LRRD1: variants seen among roughly 807,000 people sequenced by gnomAD.
LRRD1 encodes the protein leucine rich repeats and death domain containing 1.
In LRRD1, 49 loss-of-function variants were observed where a neutral mutation model predicts 69.5. The observed-to-expected ratio is 0.70, with a 90% CI of 0.56 to 0.89. LRRD1 has a LOEUF of 0.89. LRRD1 is among the 40% of genes least tolerant of loss of function. LRRD1 has a pLI of 0.00. For synonymous variants in LRRD1, 303 were observed against 338.9 expected, an observed-to-expected ratio of 0.89 and a Z score of 1.16; for missense variants, 853 against 956.0, an observed-to-expected ratio of 0.89 and a Z score of 1.42.
Position 92,164,566 on chromosome 7 carries a change from A to T in LRRD1, c.637T>A (p.Leu213Ile), listed in dbSNP as rs1014066885. ...TTATGACTGACATTTAATATCCTTAAATTATGAAGTAACTGAATTTCAGAT... is the reference window on the plus strand; with the variant it reads ...TTATGACTGACATTTAATATCCTTATATTATGAAGTAACTGAATTTCAGAT... Reference protein sequence around the residue: ...LPSEIQLLHNLRILNVSHNHI... With the variant: ...LPSEIQLLHNIRILNVSHNHI... The change falls in exon 2 of 6, where the codon TTA becomes ATA. Residue 213 changes from leucine (L) to isoleucine (I), a missense_variant. Coordinates refer to ENST00000458448, the MANE Select transcript of LRRD1 (RefSeq NM_001161528.2). The T allele has an allele frequency of 6.4e-7, 1 of 1,550,912 alleles. No homozygotes were observed. Among genetic ancestry groups the T allele is most frequent in the Admixed American group, 2.0e-5 (1 of 50,968 alleles).
rs1789008273 is a variant in LRRD1, at chr7:92,169,757, AAGAC to A, written c.-74-4485_-74-4482del. Among the ~76,000 whole-genome samples the A allele has an allele frequency of 2.6e-5, 4 of 152,048 alleles. No individual in the cohort carries two copies. In the South Asian group the frequency reaches 8.3e-4, roughly 32 times the overall value. ...GCAGAGGAAAGAATAAGTGAGCTCA[AAGAC>A]AGGCCATTTGAAAATACTCAAAGAA... On this transcript the variant is annotated intron_variant, in intron 1 of 5. Transcript: ENST00000458448.
chr7:92,150,003 C>T (rs1820425820), intron 4 of LRRD1: 1 of 415,750 alleles, frequency 2.4e-6, no homozygotes, highest in African/African-American at 2.0e-5. Flanking sequence ...CCCTCCTCCA[C>T]TTGGATTTGC....
chr7:92,167,887 A>AAAT (rs1788950597), intron 1 of LRRD1, among the ~76,000 whole-genome samples: 1 of 143,144 alleles, frequency 7.0e-6, no homozygotes, highest in African/African-American at 2.7e-5. Flanking sequence ...AAAAAAAAAA[A>AAAT]AAAAAAAAAA....
intron 2 of LRRD1, among the ~76,000 whole-genome samples, chr7:92,161,297 T>G (rs1788790584): frequency 6.6e-6 from 1 of 152,276 alleles, no homozygotes; most frequent in Non-Finnish European, 1.5e-5. Flanking sequence ...AGTGATATTT[T>G]CAACTACATG....
intron 3 of LRRD1, among the ~76,000 whole-genome samples, chr7:92,154,395 A>G (rs1274111523): frequency 6.6e-6 from 1 of 151,896 alleles, no homozygotes; most frequent in Non-Finnish European, 1.5e-5. Context: ...GTGCACCACC[A>G]TGCCCAGCTC....
chr7:92,173,041 C>T lies in LRRD1; in HGVS notation c.-75+5966G>A, dbSNP rs201035881. Among the ~76,000 whole-genome samples, 24 of 152,246 alleles carry T rather than the reference C, an allele frequency of 1.6e-4. No individual in the cohort carries two copies. The East Asian group carries it at 2.9e-3, about 18-fold the overall frequency. On this transcript the variant is annotated intron_variant, in intron 1 of 5. Transcript: ENST00000458448. ...AATACAAAACCCAGATATAAATCCA[C>T]TCATTTACAGCCATCTCATTTTTGA...
intron 3 of LRRD1, among the ~76,000 whole-genome samples, chr7:92,151,758 G>T (rs908133501): frequency 5.3e-5 from 8 of 152,044 alleles, no homozygotes; most frequent in African/African-American, 1.9e-4. Flanking sequence ...AGACCAGCCT[G>T]GCCAACATGG....
At chr7:92,152,834 T>C (rs1584652647) in intron 3 of LRRD1, among the ~76,000 whole-genome samples, 2 of 152,034 alleles carry the variant, frequency 1.3e-5, no homozygotes, top group South Asian at 4.2e-4. Context: ...CCACACCAGC[T>C]GATTTTTGTA....
At chr7:92,144,044 C>G (rs549078446), downstream of LRRD1, among the ~76,000 whole-genome samples, 2 of 152,134 alleles carry the variant, frequency 1.3e-5, no homozygotes, top group African/African-American at 2.4e-5. Flanking sequence ...TTTCTGATAG[C>G]AGAAGAAGGG....
At chr7:92,147,154 C>T (rs1256548549) in intron 4 of LRRD1, among the ~76,000 whole-genome samples, 1 of 151,176 alleles carries the variant, frequency 6.6e-6, no homozygotes, top group African/African-American at 2.4e-5. Flanking sequence ...GCAACCTCTG[C>T]CTCCCGGGTT....
chr7:92,163,188 T>G, intron 2 of LRRD1, 98 bp downstream of exon 2: 1 of 737,438 alleles, frequency 1.4e-6, no homozygotes, highest in Non-Finnish European at 1.9e-6. Flanking sequence ...CAGCTCAACT[T>G]AAAACACACA....
In LRRD1 at chr7:92,164,501, C is replaced by T; in HGVS notation, c.702G>A (p.Gly234=). 6.5e-7 allele frequency: 1 copy of T among 1,550,068 alleles called. No individual in the cohort carries two copies. The highest frequency in any genetic ancestry group is 8.7e-7 in the Non-Finnish European group (1 of 1,146,098). Residue 234 remains glycine (G), a synonymous_variant, in exon 2 of 6, where the codon GGG becomes GGA. Coordinates refer to ENST00000458448, the MANE Select transcript of LRRD1 (RefSeq NM_001161528.2). ...SHIPKEISQL[G]NIRQLFFYNN... Reference sequence around the variant, plus strand: ...TATAAAAAAAGAGTTGTCTGATATTCCCAAGCTGAGATATTTCTTTAGGTA... The same window carrying T: ...TATAAAAAAAGAGTTGTCTGATATTTCCAAGCTGAGATATTTCTTTAGGTA...
chr7:92,171,115 T>C (rs1026266961), intron 1 of LRRD1, among the ~76,000 whole-genome samples: 1 of 151,918 alleles, frequency 6.6e-6, no homozygotes, highest in Non-Finnish European at 1.5e-5. Context: ...AATAAACTAA[T>C]GATGTACCTC....
In LRRD1 at chr7:92,170,769, CATCCCACAGAATAGACAA is replaced by C. The variant is rs1313299775; in HGVS notation, c.-74-5511_-74-5494del. 2.0e-5 allele frequency among the ~76,000 whole-genome samples: 3 copies of C among 152,312 alleles called. No homozygotes were observed. The East Asian group carries it at 5.8e-4, about 29-fold the overall frequency. ...ACATTCTTTTCATTAGCACTTGGGACATCCCACAGAATAGACAATATCTTAGGACACAAAACTGGTCTC... is the reference window on the plus strand; with the variant it reads ...ACATTCTTTTCATTAGCACTTGGGACTATCTTAGGACACAAAACTGGTCTC... On this transcript the variant is annotated intron_variant, in intron 1 of 5. Transcript: ENST00000458448.
chr7:92,150,655 A>G lies in LRRD1; in HGVS notation c.2157T>C (p.Ile719=). The change falls in exon 4 of 6, where the codon ATT becomes ATC. Residue 719 remains isoleucine (I), a synonymous_variant. Transcript: ENST00000458448. The stretch of plus-strand genomic sequence containing the variant: ...CAAAATTTATCTCCTTCAGTGAAAA[A>G]ATATTGTAGATAGCACTAGGTAGAG... ...LTALPSAIYN[I]FSLKEINFDD... The G allele has an allele frequency of 2.6e-6, 4 of 1,549,952 alleles. No homozygotes were observed. The highest frequency in any genetic ancestry group is 3.5e-6 in the Non-Finnish European group (4 of 1,145,342).
At chr7:92,160,898 T>G (rs936103056) in intron 2 of LRRD1, among the ~76,000 whole-genome samples, 1 of 152,076 alleles carries the variant, frequency 6.6e-6, no homozygotes, top group African/African-American at 2.4e-5. Context: ...TGAATAACAA[T>G]GGCCAGTGAG....
At chr7:92,145,303 A>G (rs1158631615) in intron 5 of LRRD1, among the ~76,000 whole-genome samples, 53 of 152,100 alleles carry the variant, frequency 3.5e-4, no homozygotes, top group Non-Finnish European at 1.5e-5. Flanking sequence ...ATAGAAAGTG[A>G]ATGTTAGCTC....
At chr7:92,173,604 G>A in intron 1 of LRRD1, among the ~76,000 whole-genome samples, 1 of 152,142 alleles carries the variant, frequency 6.6e-6, no homozygotes, top group East Asian at 1.9e-4. Context: ...AATCATCTGA[G>A]AAATGCAAAT....
chr7:92,156,871 G>A (rs183011147), intron 3 of LRRD1, among the ~76,000 whole-genome samples: 35 of 152,150 alleles, frequency 2.3e-4, no homozygotes, highest in African/African-American at 7.7e-4. Context: ...AAAATAAATC[G>A]TTTACCATGG....
Sources: gnomAD v4.1 joint callset for allele counts (sites outside exome capture counted in the v4.1 genomes callset) on GRCh38, gnomAD v4.1.1 for gene constraint, MANE v1.5 for transcripts, NCBI Gene and HGNC (gene_info 2026-07-23, HGNC 2026-07-21) for gene names.